Variants in MTMR3 observed in about 807,000 individuals in gnomAD.
The protein encoded by MTMR3 is phosphatidylinositol-3,5-bisphosphate 3-phosphatase MTMR3.
MTMR3 carries 32 observed loss-of-function variants against 132.4 expected under a neutral mutation model. That is an observed-to-expected ratio of 0.24 (90% CI 0.18 to 0.32). The LOEUF is 0.32. Among genes scored for constraint, MTMR3 ranks in the 10% least tolerant of loss-of-function variants. MTMR3 has a pLI of 1.00. For missense variants in MTMR3, 1,216 were observed against 1,489.6 expected (o/e 0.82, Z 3.02); for synonymous variants, 556 against 550.3 (o/e 1.01, Z -0.14).
At chr22:29,942,937 G>T (rs2065885434) in intron 1 of MTMR3, among the ~76,000 whole-genome samples, 2 of 152,300 alleles carry the variant, frequency 1.3e-5, no homozygotes, top group South Asian at 2.1e-4. Flanking sequence ...AAGATGACAG[G>T]ATTAAAAGAT....
intron 1 of MTMR3, among the ~76,000 whole-genome samples, chr22:29,920,148 A>G (rs1474152003): frequency 6.6e-6 from 1 of 151,522 alleles, no homozygotes; most frequent in Non-Finnish European, 1.5e-5. Flanking sequence ...TGGGAGGCAG[A>G]GGTTGCAGTT....
chr22:29,944,642 T>C (rs999153676), intron 1 of MTMR3, among the ~76,000 whole-genome samples: 1 of 152,216 alleles, frequency 6.6e-6, no homozygotes, highest in Admixed American at 6.5e-5. Context: ...CTTTTTCTTA[T>C]TTCTGTTACA....
chr22:29,947,330 GT>G, intron 1 of MTMR3, among the ~76,000 whole-genome samples: 1 of 151,918 alleles, frequency 6.6e-6, no homozygotes, highest in East Asian at 1.9e-4. Context: ...CCAATTATTT[GT>G]CTGTGTGGAT....
At chr22:29,904,060 G>A (rs1486437614) in intron 1 of MTMR3, among the ~76,000 whole-genome samples, 1 of 152,174 alleles carries the variant, frequency 6.6e-6, no homozygotes, top group African/African-American at 2.4e-5. Context: ...TCTATATGTG[G>A]CTCTATGATG....
intron 2 of MTMR3, among the ~76,000 whole-genome samples, chr22:29,969,062 A>G (rs563754737): frequency 3.3e-5 from 5 of 152,158 alleles, no homozygotes; most frequent in Non-Finnish European, 5.9e-5. Flanking sequence ...TTATGTTTAT[A>G]TCTCTAGGCT....
In MTMR3 at chr22:29,884,686, C is replaced by G. The variant is rs2064634410; in HGVS notation, c.-138+1327C>G. ...CTAGCAATCCTCCCACCTCAGCCTC[C>G]CAAGTAGCTGGGATTACAAGTGTGC... On this transcript the variant is annotated intron_variant, in intron 1 of 19. Transcript: ENST00000401950. 2.6e-5 allele frequency among the ~76,000 whole-genome samples: 4 copies of G among 151,178 alleles called. No individual in the cohort carries two copies. The South Asian group carries it at 6.3e-4, about 24-fold the overall frequency.
At position 29,925,558 on chromosome 22, in the gene MTMR3, T is replaced by TAA. The variant is rs528978801; in HGVS notation, c.-137-31465_-137-31464dup. ...TACCTACCTTTTTATTTGTTTTCTTTAAAAAAAAAAAAAACAGCTTTGTTG... is the reference window on the plus strand; with the variant it reads ...TACCTACCTTTTTATTTGTTTTCTTTAAAAAAAAAAAAAAAACAGCTTTGTTG... On this transcript the variant is annotated intron_variant, in intron 1 of 19. Transcript: ENST00000401950. Among the ~76,000 whole-genome samples, 584 of 143,020 alleles carry TAA rather than the reference T, an allele frequency of 4.1e-3. 5 individuals are homozygous for TAA. Among genetic ancestry groups the TAA allele is most frequent in the African/African-American group, 6.6e-3 (263 of 39,672 alleles). 93.8% of individuals were successfully genotyped at this position (143,020 alleles called of 152,430 possible). A position where few individuals can be genotyped will look rare whatever the true frequency, so the allele number is the denominator to read the frequency against.
chr22:29,928,015 A>G (rs1275522078), intron 1 of MTMR3, among the ~76,000 whole-genome samples: 1 of 138,778 alleles, frequency 7.2e-6, no homozygotes, highest in Non-Finnish European at 1.5e-5. Flanking sequence ...ATCTCAGGTC[A>G]CTGCAAACTC....
At chr22:29,969,394 T>C (rs2066489632) in intron 2 of MTMR3, among the ~76,000 whole-genome samples, 1 of 152,172 alleles carries the variant, frequency 6.6e-6, no homozygotes, top group South Asian at 2.1e-4. Context: ...CCACCACTTC[T>C]ATCTCTACTA....
At chr22:29,933,374 T>A (rs1421575469) in intron 1 of MTMR3, among the ~76,000 whole-genome samples, 1 of 152,160 alleles carries the variant, frequency 6.6e-6, no homozygotes, top group East Asian at 1.9e-4. Flanking sequence ...TTTTATAGAT[T>A]AATTTTGAGG....
At chr22:29,966,705 C>T (rs907337739) in intron 2 of MTMR3, among the ~76,000 whole-genome samples, 4 of 150,562 alleles carry the variant, frequency 2.7e-5, no homozygotes, top group Non-Finnish European at 4.4e-5. Flanking sequence ...ACATCTTCCA[C>T]TGGTGACCTG....
At chr22:29,949,723 C>T (rs1304455484) in intron 1 of MTMR3, among the ~76,000 whole-genome samples, 2 of 151,684 alleles carry the variant, frequency 1.3e-5, no homozygotes, top group East Asian at 3.9e-4. Flanking sequence ...GTCTTTTTGT[C>T]CAAGAAAATG....
Position 30,018,036 on chromosome 22 carries a change from C to T in MTMR3, c.1784C>T (p.Ala595Val), listed in dbSNP as rs774536973. The T allele has an allele frequency of 1.2e-5, 19 of 1,612,564 alleles. No individual in the cohort carries two copies. The South Asian group carries it at 1.7e-4, about 14-fold the overall frequency. The change falls in exon 16 of 20, where the codon GCC becomes GTC. Residue 595 changes from alanine to valine, a missense_variant. Transcript: ENST00000401950. ...PVDDSCAPYP[A>V]PGTSPDDPPL... ...GACGACAGCTGTGCACCATACCCAGCCCCAGGCACCAGCCCTGATGATCCC... is the reference window on the plus strand; with the variant it reads ...GACGACAGCTGTGCACCATACCCAGTCCCAGGCACCAGCCCTGATGATCCC...
intron 1 of MTMR3, among the ~76,000 whole-genome samples, chr22:29,900,419 TTTA>T (rs1180580153): frequency 3.3e-5 from 5 of 152,198 alleles, no homozygotes; most frequent in African/African-American, 1.2e-4. Context: ...TAAATAGGTC[TTTA>T]TTTAGGCCAT....
chr22:29,990,965 GA>G (rs1482675429), intron 6 of MTMR3: 1 of 152,254 alleles, frequency 6.6e-6, no homozygotes, highest in Non-Finnish European at 1.5e-5. Context: ...GTTGACAATA[GA>G]ATTGTTTTGT....
intron 1 of MTMR3, among the ~76,000 whole-genome samples, chr22:29,954,567 C>T (rs528403980): frequency 3.3e-5 from 5 of 152,328 alleles, no homozygotes; most frequent in East Asian, 3.9e-4. Context: ...TTGAATCTCT[C>T]GTTTGGTCCA....
intron 1 of MTMR3, among the ~76,000 whole-genome samples, chr22:29,954,036 CT>C (rs763813370): frequency 9.5e-6 from 1 of 105,764 alleles, no homozygotes. Context: ...CTACTTGGCC[CT>C]TTTTTTTTCT....
At chr22:30,022,856 T>C (rs1488574554) in intron 19 of MTMR3, 159 bp downstream of exon 19, 2 of 628,858 alleles carry the variant, frequency 3.2e-6, no homozygotes, top group East Asian at 5.6e-5. Flanking sequence ...TTTGCAAAAC[T>C]GCATTTGGCA....
chr22:30,026,061 T>C lies in MTMR3; in HGVS notation c.*260T>C, dbSNP rs1359888480. 2 of 384,842 alleles carry C rather than the reference T, an allele frequency of 5.2e-6. No individual in the cohort carries two copies. The highest frequency in any genetic ancestry group is 9.4e-6 in the Non-Finnish European group (2 of 213,100). 23.8% of individuals were successfully genotyped at this position (384,842 alleles called of 1,614,324 possible). ...TTGGTTGTCTTAATTTTTTTTTTTT[T>C]TGATGGAAGACCAAGGGTTGCCAGG... is the stretch of plus-strand genomic sequence containing the variant. On this transcript the variant is annotated 3_prime_UTR_variant, in exon 20 of 20. Coordinates refer to ENST00000401950, the MANE Select transcript of MTMR3 (RefSeq NM_021090.4).
Sources: allele counts gnomAD v4.1 joint callset (sites outside exome capture counted in the v4.1 genomes callset), GRCh38; gene constraint gnomAD v4.1.1; transcripts MANE v1.5; gene names NCBI Gene and HGNC (gene_info 2026-07-23, HGNC 2026-07-21).